The following NRXN3 variants were observed in gnomAD, a reference collection of about 807,000 sequenced individuals.
The protein encoded by NRXN3 is neurexin 3, also known as neurexin III.
In NRXN3, 32 loss-of-function variants were observed where a neutral mutation model predicts 137.6. The ratio of observed to expected loss-of-function variants is 0.23; its 90% CI spans 0.18 to 0.31. The LOEUF is 0.31. Ranked by LOEUF, NRXN3 falls within the 10% of genes least tolerant of loss-of-function variation. The pLI is 1.00. For missense variants in NRXN3, 1,574 were observed against 2,062.5 expected, an observed-to-expected ratio of 0.76 and a Z score of 4.59; for synonymous variants, 798 against 784.5, an observed-to-expected ratio of 1.02 and a Z score of -0.29.
chr14:79,323,903 A>C (rs144233335), intron 15 of NRXN3, among the ~76,000 whole-genome samples: 278 of 152,356 alleles, frequency 1.8e-3, no homozygotes, highest in African/African-American at 6.3e-3. Context: ...GGGATGCTCC[A>C]CTTCACTTGC....
intron 8 of NRXN3, among the ~76,000 whole-genome samples, chr14:78,756,016 G>A (rs148756052): frequency 4.7e-4 from 71 of 152,274 alleles, no homozygotes; most frequent in African/African-American, 1.5e-3. Flanking sequence ...GACATGGAAA[G>A]TATGAGAGAT....
intron 15 of NRXN3, among the ~76,000 whole-genome samples, chr14:79,422,287 C>T (rs1164127599): frequency 1.3e-5 from 2 of 152,048 alleles, no homozygotes; most frequent in African/African-American, 4.8e-5. Flanking sequence ...TGGGCTTGAA[C>T]TCCTGGGCTC....
intron 1 of NRXN3, among the ~76,000 whole-genome samples, chr14:78,172,963 CTA>C (rs1469169370): frequency 6.6e-6 from 1 of 151,970 alleles, no homozygotes; most frequent in East Asian, 1.9e-4. Flanking sequence ...TTTCTCCTGA[CTA>C]TGTTGATGAT....
chr14:79,630,549 G>A (rs903292288), intron 16 of NRXN3, among the ~76,000 whole-genome samples: 4 of 152,062 alleles, frequency 2.6e-5, no homozygotes, highest in African/African-American at 7.2e-5. Flanking sequence ...ATTTATTTAC[G>A]TACCAAAATA....
chr14:79,311,012 A>G (rs1419929767), intron 15 of NRXN3, among the ~76,000 whole-genome samples: 1 of 128,914 alleles, frequency 7.8e-6, no homozygotes, highest in Non-Finnish European at 1.5e-5. Context: ...GTCTTGTACC[A>G]GTTTTCAAAG....
intron 16 of NRXN3, among the ~76,000 whole-genome samples, chr14:79,495,896 G>T (rs1363850439): frequency 6.6e-6 from 1 of 151,340 alleles, no homozygotes; most frequent in Non-Finnish European, 1.5e-5. Context: ...CAAAGTCGAT[G>T]GTATTTATTT....
At chr14:79,302,305 T>G (rs113467341) in intron 15 of NRXN3, among the ~76,000 whole-genome samples, 141 of 152,132 alleles carry the variant, frequency 9.3e-4, no homozygotes, top group Middle Eastern at 3.4e-3. Flanking sequence ...GGGTAATTTA[T>G]TAGAAAAAGA....
intron 16 of NRXN3, among the ~76,000 whole-genome samples, chr14:79,479,202 C>A (rs1567235101): frequency 6.6e-6 from 1 of 152,046 alleles, no homozygotes; most frequent in African/African-American, 2.4e-5. Context: ...CGCTGGCTGA[C>A]TTTTCATGGC....
At chr14:79,307,588 G>A (rs1431162131) in intron 15 of NRXN3, among the ~76,000 whole-genome samples, 2 of 152,146 alleles carry the variant, frequency 1.3e-5, no homozygotes, top group African/African-American at 4.8e-5. Flanking sequence ...CCAGGCTGCA[G>A]TCAGTCACCT....
At chr14:78,556,350 C>CA (rs1261342409) in intron 4 of NRXN3, among the ~76,000 whole-genome samples, 5 of 152,116 alleles carry the variant, frequency 3.3e-5, no homozygotes, top group African/African-American at 9.7e-5. Context: ...CTTGAGATTC[C>CA]AAAATCCTTC....
Position 79,096,497 on chromosome 14 carries a change from C to T in NRXN3, c.3262+108356C>T, listed in dbSNP as rs115790867. Among the ~76,000 whole-genome samples, 1,441 of 152,100 alleles carry T rather than the reference C, an allele frequency of 9.5e-3. 27 individuals carry two copies. Among genetic ancestry groups the T allele is most frequent in the African/African-American group, 0.031 (1,298 of 41,506 alleles). On this transcript the variant is annotated intron_variant, in intron 15 of 20. Coordinates refer to ENST00000335750, the MANE Select transcript of NRXN3 (RefSeq NM_001330195.2). ...TTTTCTTATCTTGTTACTTGTGTTC[C>T]ACCACTAATAACTATGAGACTGCAG... is the stretch of plus-strand genomic sequence containing the variant.
chr14:79,004,166 T>C (rs1356730277), intron 15 of NRXN3, among the ~76,000 whole-genome samples: 3 of 152,202 alleles, frequency 2.0e-5, no homozygotes, highest in Non-Finnish European at 4.4e-5. Flanking sequence ...GGAATGATTT[T>C]TCTTTTATAG....
At chr14:79,805,648 A>G (rs1339218248) in intron 20 of NRXN3, among the ~76,000 whole-genome samples, 2 of 152,186 alleles carry the variant, frequency 1.3e-5, no homozygotes, top group African/African-American at 4.8e-5. Context: ...CTTAAAACTC[A>G]TGAATTATTC....
intron 10 of NRXN3, among the ~76,000 whole-genome samples, chr14:78,931,367 T>C (rs1439832413): frequency 6.6e-6 from 1 of 152,190 alleles, no homozygotes; most frequent in Non-Finnish European, 1.5e-5. Context: ...TACTGTTCTC[T>C]GTCCTTAATG....
chr14:79,648,981 G>C (rs1010172509), intron 16 of NRXN3, among the ~76,000 whole-genome samples: 1 of 152,120 alleles, frequency 6.6e-6, no homozygotes, highest in Non-Finnish European at 1.5e-5. Context: ...AAAGTAGAGT[G>C]GCAAGCGATG....
chr14:79,127,441 C>T (rs2056717118), intron 15 of NRXN3, among the ~76,000 whole-genome samples: 1 of 152,108 alleles, frequency 6.6e-6, no homozygotes, highest in Non-Finnish European at 1.5e-5. Context: ...GAATCCTTTC[C>T]CCATTGCTTG....
intron 16 of NRXN3, among the ~76,000 whole-genome samples, chr14:79,649,761 C>T (rs2098467504): frequency 6.6e-6 from 1 of 152,198 alleles, no homozygotes; most frequent in Non-Finnish European, 1.5e-5. Flanking sequence ...TTTCAATCTT[C>T]TAAACTTCTC....
At chr14:79,822,449 G>A (rs1460353888) in intron 20 of NRXN3, among the ~76,000 whole-genome samples, 1 of 152,052 alleles carries the variant, frequency 6.6e-6, no homozygotes, top group African/African-American at 2.4e-5. Context: ...ACTATGTATA[G>A]CATTCTTAAT....
intron 4 of NRXN3, among the ~76,000 whole-genome samples, chr14:78,453,799 A>T (rs1288331252): frequency 6.6e-6 from 1 of 152,206 alleles, no homozygotes; most frequent in Non-Finnish European, 1.5e-5. Context: ...TGCCATGTGA[A>T]CATGAAGGCA....
Sources: allele counts gnomAD v4.1 joint callset (sites outside exome capture counted in the v4.1 genomes callset), GRCh38; gene constraint gnomAD v4.1.1; transcripts MANE v1.5; gene names NCBI Gene and HGNC (gene_info 2026-07-23, HGNC 2026-07-21).